The following PLCG2 variants were observed in gnomAD, a reference collection of about 807,000 sequenced individuals.
PLCG2 encodes the protein 1-phosphatidylinositol 4,5-bisphosphate phosphodiesterase gamma-2.
Under a neutral mutation model 175.6 loss-of-function variants are expected in PLCG2, and 69 were observed. The observed-to-expected ratio is 0.39, with a 90% CI of 0.32 to 0.48. The LOEUF is 0.48. PLCG2 is among the 20% of genes least tolerant of loss of function. PLCG2 has a pLI of 0.91. For missense variants in PLCG2, 1,798 were observed against 1,650.9 expected (o/e 1.09, Z -1.54); for synonymous variants, 827 against 624.0 (o/e 1.33, Z -4.85).
chr16:81,760,756 AAAATAAT>A (rs1910023491), intron 2 of PLCG2, among the ~76,000 whole-genome samples: 2 of 84,540 alleles, frequency 2.4e-5, no homozygotes, highest in South Asian at 4.7e-4. Flanking sequence ...ATTAAAAAAA[AAAATAAT>A]AATAATAATA....
Position 81,869,256 on chromosome 16 carries a change from C to T in PLCG2, c.522C>T (p.Asn174=). ...RELKTILPLI[N]FKVSSAKFLK... ...TGAAGACCATCTTGCCCCTGATCAACTTTAAAGTGAGCAGTGCCAAGTTCC... is the reference window on the plus strand; with the variant it reads ...TGAAGACCATCTTGCCCCTGATCAATTTTAAAGTGAGCAGTGCCAAGTTCC... Residue 174 remains asparagine, a synonymous_variant, in exon 6 of 33, where the codon AAC becomes AAT. Transcript: ENST00000564138. The T allele has an allele frequency of 1.2e-6, 2 of 1,614,004 alleles. No individual in the cohort carries two copies.
intron 2 of PLCG2, among the ~76,000 whole-genome samples, chr16:81,791,731 A>G (rs1439717762): frequency 6.6e-6 from 1 of 152,016 alleles, no homozygotes; most frequent in Non-Finnish European, 1.5e-5. Flanking sequence ...CATGCAGCTA[A>G]TTTTTGTATT....
chr16:81,865,639 G>C (rs1299596458), intron 5 of PLCG2, among the ~76,000 whole-genome samples: 2 of 152,204 alleles, frequency 1.3e-5, no homozygotes, highest in Non-Finnish European at 2.9e-5. Context: ...GCTGCTGTCT[G>C]GGCTCCTGGG....
intron 4 of PLCG2, among the ~76,000 whole-genome samples, chr16:81,858,617 G>C (rs752414154): frequency 1.1e-4 from 17 of 152,082 alleles, no homozygotes; most frequent in Admixed American, 5.2e-4. Context: ...AACATTCCTG[G>C]GGTATGTGCT....
At chr16:81,819,935 A>G (rs1904721246) in intron 2 of PLCG2, among the ~76,000 whole-genome samples, 1 of 152,198 alleles carries the variant, frequency 6.6e-6, no homozygotes, top group African/African-American at 2.4e-5. Context: ...CCATTATCAG[A>G]GAAATGCAGA....
At chr16:81,895,575 GAAAAA>G (rs71727409) in intron 12 of PLCG2, 14 of 440,674 alleles carry the variant, frequency 3.2e-5, no homozygotes, top group East Asian at 3.0e-4. Context: ...AAAAAAAAAT[GAAAAA>G]AAAAGCAGCA....
intron 7 of PLCG2, among the ~76,000 whole-genome samples, chr16:81,876,104 C>G (rs1238495640): frequency 2.7e-5 from 4 of 145,790 alleles, no homozygotes; most frequent in South Asian, 2.2e-4. Flanking sequence ...TGGCTCACTG[C>G]AGCCTCGAAC....
chr16:81,871,172 A>T lies in PLCG2; in HGVS notation c.648+237A>T, dbSNP rs7187837. 0.55 allele frequency among the ~76,000 whole-genome samples: 82,947 copies of T among 151,830 alleles called. 23,387 individuals carry two copies. The highest frequency in any genetic ancestry group is 0.62 in the Middle Eastern group (183 of 294). On this transcript the variant is annotated intron_variant, in intron 7 of 32. Coordinates refer to ENST00000564138, the MANE Select transcript of PLCG2 (RefSeq NM_002661.5). ...TGGTGTTCATATGCCTTCCTGGTGG[A>T]AATGCGAATGGCCATAAGTTTGATT...
At chr16:81,796,812 T>G (rs1021517021) in intron 2 of PLCG2, among the ~76,000 whole-genome samples, 6 of 152,154 alleles carry the variant, frequency 3.9e-5, no homozygotes, top group African/African-American at 1.2e-4. Context: ...TCGCCAACAC[T>G]TTGATTTTGG....
chr16:81,880,528 CAG>C (rs1030817030), intron 7 of PLCG2, among the ~76,000 whole-genome samples: 4 of 151,926 alleles, frequency 2.6e-5, no homozygotes, highest in South Asian at 2.1e-4. Flanking sequence ...AGAAAGGAAA[CAG>C]GGTTATTTGA....
intron 2 of PLCG2, among the ~76,000 whole-genome samples, chr16:81,835,718 C>T (rs1308512301): frequency 6.6e-6 from 1 of 152,134 alleles, no homozygotes; most frequent in Non-Finnish European, 1.5e-5. Context: ...CAGAAATGTA[C>T]TTATTCCCTT....
intron 30 of PLCG2, among the ~76,000 whole-genome samples, chr16:81,940,306 A>G (rs1328140651): frequency 6.6e-6 from 1 of 152,074 alleles, no homozygotes; most frequent in South Asian, 2.1e-4. Flanking sequence ...TTGTTAGTGG[A>G]TCCTCAACCT....
intron 2 of PLCG2, among the ~76,000 whole-genome samples, chr16:81,808,738 C>A (rs1327182418): frequency 1.3e-5 from 2 of 152,180 alleles, no homozygotes; most frequent in African/African-American, 4.8e-5. Context: ...TGTGATCCAC[C>A]TGCCTCTGCC....
chr16:81,803,028 C>T (rs1220191872), intron 2 of PLCG2, among the ~76,000 whole-genome samples: 1 of 152,132 alleles, frequency 6.6e-6, no homozygotes, highest in African/African-American at 2.4e-5. Flanking sequence ...TTTCCCCCAT[C>T]CCTGGCAATG....
chr16:81,778,039 A>AAAAAACAAAACAAAC (rs1910504923), upstream of PLCG2, among the ~76,000 whole-genome samples: 90 of 80,402 alleles, frequency 1.1e-3, no homozygotes, highest in African/African-American at 4.1e-3. Flanking sequence ...AAACAAAAAA[A>AAAAAACAAAACAAAC]AAACAAAAAA....
At chr16:81,920,939 G>C (rs986540405) in intron 20 of PLCG2, among the ~76,000 whole-genome samples, 1 of 152,180 alleles carries the variant, frequency 6.6e-6, no homozygotes, top group Non-Finnish European at 1.5e-5. Flanking sequence ...TAGGATTTGT[G>C]CTTTTACAAA....
In PLCG2 at chr16:81,908,639, C is replaced by T. The variant is rs369346213; in HGVS notation, c.1733+48C>T. On this transcript the variant is annotated intron_variant, in intron 17 of 32. Coordinates refer to ENST00000564138, the MANE Select transcript of PLCG2 (RefSeq NM_002661.5). ...CGCCTACCTTCTTCTCCATGCCAAC[C>T]GATGAGGCAGGGTGGCGAGTGGTTC... The T allele has an allele frequency of 3.0e-5, 46 of 1,520,166 alleles. No homozygotes were observed. In the African/African-American group the frequency reaches 3.3e-4, roughly 11 times the overall value. 94.2% of individuals were successfully genotyped at this position (1,520,166 alleles called of 1,614,324 possible).
chr16:81,944,031 CA>C (rs1307244775), intron 30 of PLCG2, among the ~76,000 whole-genome samples: 2 of 152,094 alleles, frequency 1.3e-5, no homozygotes, highest in East Asian at 3.9e-4. Context: ...CCACGGAATT[CA>C]GTAAGATGAT....
At chr16:81,821,239 A>G (rs7204834) in intron 2 of PLCG2, among the ~76,000 whole-genome samples, 6,323 of 152,352 alleles carry the variant, frequency 0.042, 302 homozygotes, top group African/African-American at 0.11. Flanking sequence ...TCAGTGAGTT[A>G]ACATGTGAGT....
Sources: allele counts gnomAD v4.1 joint callset (sites outside exome capture counted in the v4.1 genomes callset), GRCh38; gene constraint gnomAD v4.1.1; transcripts MANE v1.5; gene names NCBI Gene and HGNC (gene_info 2026-07-23, HGNC 2026-07-21).